ITGA4: variants seen among roughly 807,000 people sequenced by gnomAD.
ITGA4 encodes integrin alpha-4.
ITGA4 carries 63 observed loss-of-function variants against 133.6 expected under a neutral mutation model. That is an observed-to-expected ratio of 0.47 (90% CI 0.38 to 0.58). ITGA4 has a LOEUF of 0.58. ITGA4 is among the 20% of genes least tolerant of loss of function. ITGA4 has a pLI of 0.00. For synonymous variants in ITGA4, 483 were observed against 438.0 expected (o/e 1.10, Z -1.28); for missense variants, 1,076 against 1,252.7 (o/e 0.86, Z 2.13).
In ITGA4 at chr2:181,530,955, C is replaced by T. The variant is rs1010100462; in HGVS notation, c.2664+306C>T. On this transcript the variant is annotated intron_variant, in intron 24 of 27. Coordinates refer to ENST00000397033, the MANE Select transcript of ITGA4 (RefSeq NM_000885.6). ...CAGCCTGGCCAACAGAGTGAAACCCCGTCTCTACTAAAAATACAAAAATTA... is the reference window on the plus strand; with the variant it reads ...CAGCCTGGCCAACAGAGTGAAACCCTGTCTCTACTAAAAATACAAAAATTA... 2.3e-4 allele frequency among the ~76,000 whole-genome samples: 35 copies of T among 151,982 alleles called. 1 individual carries two copies. Among genetic ancestry groups the T allele is most frequent in the African/African-American group, 8.4e-4 (35 of 41,464 alleles).
chr2:181,521,643 G>C (rs191782654), intron 17 of ITGA4, among the ~76,000 whole-genome samples: 2 of 152,170 alleles, frequency 1.3e-5, no homozygotes, highest in South Asian at 4.1e-4. Context: ...GAGGTGACCA[G>C]CTGCTTCACA....
chr2:181,470,686 T>A (rs1326163810), intron 2 of ITGA4, among the ~76,000 whole-genome samples: 1 of 148,262 alleles, frequency 6.7e-6, no homozygotes, highest in Non-Finnish European at 1.5e-5. Flanking sequence ...GCAGTCTTAC[T>A]TCTTCTACCA....
In ITGA4 at chr2:181,531,799, C is replaced by T. The variant is rs200421520; in HGVS notation, c.2784+23C>T. ...ATGGTAAGTAAGTCTAAAACATTGA[C>T]AACTTGGTGGCTAAGTTTACATAAA... On this transcript the variant is annotated intron_variant, in intron 25 of 27. Coordinates refer to ENST00000397033, the MANE Select transcript of ITGA4 (RefSeq NM_000885.6). The T allele has an allele frequency of 5.8e-6, 9 of 1,565,148 alleles. No individual in the cohort carries two copies. In the Admixed American group the frequency reaches 1.5e-4, roughly 26 times the overall value.
chr2:181,500,535 G>A (rs1686245712), intron 15 of ITGA4, among the ~76,000 whole-genome samples: 1 of 152,130 alleles, frequency 6.6e-6, no homozygotes. Context: ...TGCCTGGGTT[G>A]CTCCTGTGTT....
chr2:181,486,171 T>C, intron 10 of ITGA4, 179 bp downstream of exon 10: 2 of 664,514 alleles, frequency 3.0e-6, no homozygotes, highest in Non-Finnish European at 4.7e-6. Flanking sequence ...CACCCATTGA[T>C]CTTTACCACT....
chr2:181,527,652 G>C (rs1686861416), intron 22 of ITGA4, among the ~76,000 whole-genome samples: 1 of 152,214 alleles, frequency 6.6e-6, no homozygotes. Context: ...GCCTGAAACA[G>C]GCAAAGTTAT....
Position 181,536,186 on chromosome 2 carries a change from GATA to G in ITGA4, c.*662_*664del, listed in dbSNP as rs1203688133. 6.6e-6 allele frequency: 1 copy of G among 151,684 alleles called. No individual in the cohort carries two copies. Among genetic ancestry groups the G allele is most frequent in the Non-Finnish European group, 1.5e-5 (1 of 67,888 alleles). The allele number at this position is 151,684 out of a possible 1,614,324, so 9.4% of individuals were successfully genotyped here. Reference sequence around the variant, plus strand: ...TTTGAGCTTAGTGAAATTACTTCTGGATAATTATTTTTTTATAATTATGGATTT... The same window carrying G: ...TTTGAGCTTAGTGAAATTACTTCTGGATTATTTTTTTATAATTATGGATTT... On this transcript the variant is annotated 3_prime_UTR_variant, in exon 28 of 28. Transcript: ENST00000397033.
upstream of ITGA4, chr2:181,457,322 G>C: frequency 3.7e-6 from 1 of 269,648 alleles, no homozygotes; most frequent in Non-Finnish European, 7.1e-6. Flanking sequence ...CGTAGGCAGA[G>C]ACGGAGCCCG....
chr2:181,498,847 A>T, intron 15 of ITGA4, 70 bp downstream of exon 15: 1 of 1,470,336 alleles, frequency 6.8e-7, no homozygotes, highest in South Asian at 1.5e-5. Flanking sequence ...AACTTATTGT[A>T]TTGGTATCTT....
intron 2 of ITGA4, among the ~76,000 whole-genome samples, chr2:181,461,259 G>A (rs1049478256): frequency 2.7e-5 from 4 of 149,428 alleles, no homozygotes; most frequent in Non-Finnish European, 5.9e-5. Context: ...AGTCAAGCAA[G>A]TTGACTGCAG....
intron 10 of ITGA4, 88 bp downstream of exon 10, chr2:181,486,080 C>A: frequency 6.8e-7 from 1 of 1,476,582 alleles, no homozygotes; most frequent in Non-Finnish European, 9.0e-7. Context: ...TATTGTTTTC[C>A]TTCCTATAGA....
chr2:181,498,827 G>A, intron 15 of ITGA4, 50 bp downstream of exon 15: 1 of 1,526,084 alleles, frequency 6.6e-7, no homozygotes, highest in Non-Finnish European at 8.8e-7. Context: ...CAACGTTGTT[G>A]ATAGAGAGCA....
chr2:181,520,039 T>C (rs781114460), intron 17 of ITGA4, among the ~76,000 whole-genome samples: 34 of 152,034 alleles, frequency 2.2e-4, no homozygotes, highest in Non-Finnish European at 3.8e-4. Context: ...CCAAGGCAAA[T>C]TAGTCTAGTA....
At chr2:181,472,255 C>T (rs901311772) in intron 2 of ITGA4, among the ~76,000 whole-genome samples, 3 of 152,082 alleles carry the variant, frequency 2.0e-5, no homozygotes, top group African/African-American at 4.8e-5. Context: ...GCTAAGAAAC[C>T]GATAACAATA....
intron 2 of ITGA4, among the ~76,000 whole-genome samples, chr2:181,466,174 G>T (rs1446081493): frequency 6.6e-6 from 1 of 152,052 alleles, no homozygotes; most frequent in Non-Finnish European, 1.5e-5. Context: ...AGTTGTTAGA[G>T]TTCTGAGGCC....
At chr2:181,499,125 GT>G (rs1315911824) in intron 15 of ITGA4, among the ~76,000 whole-genome samples, 1 of 152,038 alleles carries the variant, frequency 6.6e-6, no homozygotes, top group Non-Finnish European at 1.5e-5. Context: ...TCCGTGGTAC[GT>G]TTTTTGGGGT....
intron 20 of ITGA4, among the ~76,000 whole-genome samples, chr2:181,524,642 T>A (rs1686796975): frequency 6.6e-6 from 1 of 152,180 alleles, no homozygotes; most frequent in African/African-American, 2.4e-5. Context: ...TTTCAATATA[T>A]TTTTTAAAAT....
At chr2:181,471,353 G>C (rs62191404) in intron 2 of ITGA4, among the ~76,000 whole-genome samples, 3,593 of 152,120 alleles carry the variant, frequency 0.024, 61 homozygotes, top group African/African-American at 0.045. Flanking sequence ...AGATGAATGA[G>C]GTCACTATTT....
At chr2:181,515,865 T>G (rs1490518304) in intron 17 of ITGA4, among the ~76,000 whole-genome samples, 1 of 152,126 alleles carries the variant, frequency 6.6e-6, no homozygotes, top group Non-Finnish European at 1.5e-5. Context: ...ATAACTCTGC[T>G]GGCACTAATG....
Sources: allele counts gnomAD v4.1 joint callset (sites outside exome capture counted in the v4.1 genomes callset), GRCh38; gene constraint gnomAD v4.1.1; transcripts MANE v1.5; gene names NCBI Gene and HGNC (gene_info 2026-07-23, HGNC 2026-07-21).